EXD3: variants seen among roughly 807,000 people sequenced by gnomAD.
EXD3 encodes exonuclease 3'-5' domain containing 3, also known as exonuclease mut-7 homolog.
EXD3 carries 92 observed loss-of-function variants against 98.0 expected under a neutral mutation model. The observed-to-expected ratio is 0.94, with a 90% confidence interval of 0.79 to 1.12. EXD3 has a LOEUF of 1.12. Ranked by LOEUF, EXD3 falls within the 50% of genes most tolerant of loss-of-function variation. The pLI, the probability that EXD3 is intolerant of heterozygous loss-of-function variation, is 0.00. For synonymous variants in EXD3, 569 were observed against 526.0 expected (o/e 1.08, Z -1.12); for missense variants, 1,222 against 1,191.6 (o/e 1.03, Z -0.38).
intron 10 of EXD3, 35 bp from the exon 11 acceptor site, chr9:137,352,821 G>A (rs1248288019): frequency 6.4e-7 from 1 of 1,563,840 alleles, no homozygotes; most frequent in Middle Eastern, 1.8e-4. Context: ...TGGAGATGGG[G>A]ACATTGCTGT....
chr9:137,359,169 C>A lies in EXD3; in HGVS notation c.657-2801G>T, dbSNP rs1368978390. 1.1e-4 allele frequency among the ~76,000 whole-genome samples: 9 copies of A among 82,594 alleles called. 3 individuals are homozygous for A. Among genetic ancestry groups the A allele is most frequent in the Admixed American group, 2.9e-4 (2 of 6,920 alleles). 54.2% of individuals were successfully genotyped at this position (82,594 alleles called of 152,430 possible). A position where few individuals can be genotyped will look rare whatever the true frequency, so the allele number is the denominator to read the frequency against. On this transcript the variant is annotated intron_variant, in intron 7 of 21. Coordinates refer to ENST00000340951, the MANE Select transcript of EXD3 (RefSeq NM_017820.5). The stretch of plus-strand genomic sequence containing the variant: ...CACTGTGTTAGCCAGGATGGTTTCA[C>A]TGTGTTAGCCAGGTTAGTCTCGATC...
intron 1 of EXD3, among the ~76,000 whole-genome samples, chr9:137,396,483 C>G (rs1837223063): frequency 1.3e-5 from 2 of 152,230 alleles, no homozygotes; most frequent in Admixed American, 1.3e-4. Flanking sequence ...CCAGGCAGCC[C>G]TCACGGTGGC....
intron 5 of EXD3, among the ~76,000 whole-genome samples, chr9:137,369,757 G>A (rs1372601462): frequency 6.6e-6 from 1 of 152,242 alleles, no homozygotes; most frequent in African/African-American, 2.4e-5. Context: ...CCCCAGGTGG[G>A]TGGCTTCTGC....
chr9:137,413,102 T>C (rs1838076054), intron 1 of EXD3, among the ~76,000 whole-genome samples: 1 of 152,098 alleles, frequency 6.6e-6, no homozygotes, highest in Non-Finnish European at 1.5e-5. Context: ...CTCTATAACT[T>C]TGAGATATAA....
At position 137,373,652 on chromosome 9, in the gene EXD3, G is replaced by A. The variant is rs112339669; in HGVS notation, c.121-53C>T. 27 of 1,521,438 alleles carry A rather than the reference G, an allele frequency of 1.8e-5. 1 individual carries two copies. In the African/African-American group the frequency reaches 2.2e-4, roughly 13 times the overall value. The allele number at this position is 1,521,438 out of a possible 1,614,324, so 94.2% of individuals were successfully genotyped here. On this transcript the variant is annotated intron_variant, in intron 3 of 21. Coordinates refer to ENST00000340951, the MANE Select transcript of EXD3 (RefSeq NM_017820.5). ...CTTTGTCTTGCACTCAAAGCCTCCT[G>A]GCAAGGCCTCCCCACCGCAGAGAGG... is the stretch of plus-strand genomic sequence containing the variant.
At chr9:137,319,687 G>A (rs1273762704) in intron 19 of EXD3, among the ~76,000 whole-genome samples, 2 of 152,222 alleles carry the variant, frequency 1.3e-5, no homozygotes, top group Non-Finnish European at 2.9e-5. Flanking sequence ...TGGGCTGTGG[G>A]CATTGGGCCA....
At chr9:137,353,925 C>CT in intron 10 of EXD3, 1 of 1,018,428 alleles carries the variant, frequency 9.8e-7, no homozygotes, top group Non-Finnish European at 1.2e-6. Flanking sequence ...CGCCCGCATT[C>CT]TTCAGGACGT....
At position 137,395,339 on chromosome 9, in the gene EXD3, CG is replaced by C; in HGVS notation, c.18del (p.Ala7LeufsTer95). On this transcript the variant is annotated frameshift_variant, in exon 2 of 22. Coordinates refer to ENST00000340951, the MANE Select transcript of EXD3 (RefSeq NM_017820.5). LOFTEE classifies it high-confidence loss of function. The surrounding 1 kb of genome is among the most constrained non-coding windows in gnomAD (Gnocchi z 6.5). ...CGCTCGCCAGCGGCAGGGTCACCAGCGGGATCTCCTGGGTCCATCCTCAGGG... is the reference window on the plus strand; with the variant it reads ...CGCTCGCCAGCGGCAGGGTCACCAGCGGATCTCCTGGGTCCATCCTCAGGG... MDPGD[P>X]AGDPAAGERH... The C allele has an allele frequency of 1.9e-6, 3 of 1,613,324 alleles. No homozygotes were observed. The highest frequency in any genetic ancestry group is 2.5e-6 in the Non-Finnish European group (3 of 1,179,808).
chr9:137,319,517 G>A (rs1002453758), intron 19 of EXD3, among the ~76,000 whole-genome samples: 14 of 152,200 alleles, frequency 9.2e-5, no homozygotes, highest in Non-Finnish European at 1.3e-4. Context: ...AGTGCTGCTG[G>A]AGTGGGTGGT....
chr9:137,359,654 T>C lies in EXD3; in HGVS notation c.657-3286A>G, dbSNP rs1263008243. 5.8e-5 allele frequency among the ~76,000 whole-genome samples: 5 copies of C among 86,064 alleles called. 1 individual carries two copies. The highest frequency in any genetic ancestry group is 1.6e-4 in the African/African-American group (5 of 31,002). 56.5% of individuals were successfully genotyped at this position (86,064 alleles called of 152,430 possible). A position where few individuals can be genotyped will look rare whatever the true frequency, so the allele number is the denominator to read the frequency against. ...CTATGGCCAGAGATTATTTGCCCGA[T>C]TTTGAACTTGATGCAAATGGAATGA... On this transcript the variant is annotated intron_variant, in intron 7 of 21. Transcript: ENST00000340951.
At chr9:137,356,830 C>T (rs572312452) in intron 7 of EXD3, among the ~76,000 whole-genome samples, 1 of 152,198 alleles carries the variant, frequency 6.6e-6, no homozygotes, top group Non-Finnish European at 1.5e-5. Context: ...CTTGGCTCCT[C>T]CTGCCCCTCC....
At chr9:137,319,339 G>A (rs548053445) in intron 19 of EXD3, among the ~76,000 whole-genome samples, 1 of 152,310 alleles carries the variant, frequency 6.6e-6, no homozygotes, top group Non-Finnish European at 1.5e-5. Flanking sequence ...CCCGGGGCCC[G>A]GCCTCCATTG....
intron 21 of EXD3, 92 bp downstream of exon 21, chr9:137,307,516 G>A (rs759211061): frequency 2.7e-5 from 41 of 1,507,682 alleles, no homozygotes; most frequent in South Asian, 6.1e-5. Flanking sequence ...CCCTCTGCCC[G>A]GCCGGGACCC....
At chr9:137,369,994 G>A (rs1413956270) in intron 5 of EXD3, among the ~76,000 whole-genome samples, 2 of 152,198 alleles carry the variant, frequency 1.3e-5, no homozygotes, top group African/African-American at 2.4e-5. Flanking sequence ...TTTTGTACCC[G>A]GAGCCCAGTG....
intron 21 of EXD3, 143 bp downstream of exon 21, chr9:137,307,465 C>A: frequency 7.8e-7 from 1 of 1,280,000 alleles, no homozygotes; most frequent in Non-Finnish European, 1.0e-6. Context: ...CCCCACCCCT[C>A]ACCTTGCAGG....
intron 19 of EXD3, among the ~76,000 whole-genome samples, chr9:137,317,928 TGGG>T: frequency 6.6e-6 from 1 of 152,062 alleles, no homozygotes; most frequent in East Asian, 1.9e-4. Flanking sequence ...CTGTGTGACA[TGGG>T]GGTGCCAAGC....
chr9:137,308,032 G>A (rs1317468798), intron 20 of EXD3, among the ~76,000 whole-genome samples: 1 of 144,006 alleles, frequency 6.9e-6, no homozygotes, highest in Non-Finnish European at 1.5e-5. Flanking sequence ...GCCAGCACAA[G>A]GGTGGGCGGG....
intron 17 of EXD3, among the ~76,000 whole-genome samples, chr9:137,328,230 C>CT (rs1832593911): frequency 6.9e-6 from 1 of 143,928 alleles, no homozygotes; most frequent in Non-Finnish European, 1.5e-5. Context: ...GTAAAAACAA[C>CT]AAATATACAC....
In EXD3 at chr9:137,371,149, C is replaced by T. The variant is rs928240155; in HGVS notation, c.462+1756G>A. On this transcript the variant is annotated intron_variant, in intron 5 of 21. Coordinates refer to ENST00000340951, the MANE Select transcript of EXD3 (RefSeq NM_017820.5). The surrounding 1 kb of genome is among the most constrained non-coding windows in gnomAD (Gnocchi z 8.0). The stretch of plus-strand genomic sequence containing the variant: ...GGAGCGCGAGGGAGGCGCATTCAGC[C>T]GGCCCCAGACAGTCTTTGAAAGGCT... Among the ~76,000 whole-genome samples, 2 of 152,214 alleles carry T rather than the reference C, an allele frequency of 1.3e-5. No homozygotes were observed. The highest frequency in any genetic ancestry group is 2.4e-5 in the African/African-American group (1 of 41,456).
Sources: allele counts gnomAD v4.1 joint callset (sites outside exome capture counted in the v4.1 genomes callset), GRCh38; gene constraint gnomAD v4.1.1; non-coding constraint Gnocchi (gnomAD v3.1); transcripts MANE v1.5; gene names NCBI Gene and HGNC (gene_info 2026-07-23, HGNC 2026-07-21).